RAPGEF1: variants seen among roughly 807,000 people sequenced by gnomAD.
RAPGEF1 encodes CRK SH3-binding GNRP.
A neutral mutation model predicts 143.3 loss-of-function variants in RAPGEF1; 33 were observed. That is an observed-to-expected ratio of 0.23 (90% CI 0.17 to 0.31). The LOEUF (loss-of-function observed/expected upper bound fraction) is 0.31, where lower values mean the gene tolerates loss of function less well. Among genes scored for constraint, RAPGEF1 ranks in the 10% least tolerant of loss-of-function variants. The pLI is 1.00. For synonymous variants in RAPGEF1, 629 were observed against 676.5 expected (o/e 0.93, Z 1.09); for missense variants, 1,199 against 1,645.4 (o/e 0.73, Z 4.69).
At chr9:131,645,124 T>C (rs1476031792) in intron 3 of RAPGEF1, among the ~76,000 whole-genome samples, 1 of 152,226 alleles carries the variant, frequency 6.6e-6, no homozygotes, top group East Asian at 1.9e-4. Flanking sequence ...GCTGGGCGCT[T>C]ACTTTTCCAC....
At chr9:131,645,276 A>G (rs1194308517) in intron 3 of RAPGEF1, among the ~76,000 whole-genome samples, 2 of 152,320 alleles carry the variant, frequency 1.3e-5, no homozygotes, top group Non-Finnish European at 1.5e-5. Context: ...TGACAGTAAC[A>G]CTGCCACCTT....
At chr9:131,654,491 A>G (rs1031186619) in intron 1 of RAPGEF1, among the ~76,000 whole-genome samples, 1 of 152,144 alleles carries the variant, frequency 6.6e-6, no homozygotes, top group African/African-American at 2.4e-5. Context: ...CGGGAGGATC[A>G]CTTGAGCCCA....
At chr9:131,649,369 T>C (rs1046117530) in intron 3 of RAPGEF1, among the ~76,000 whole-genome samples, 35 of 152,200 alleles carry the variant, frequency 2.3e-4, no homozygotes, top group African/African-American at 8.2e-4. Context: ...TTTATTTTTA[T>C]GTAATGAGTC....
In RAPGEF1 at chr9:131,588,563, C is replaced by T. The variant is rs544003374; in HGVS notation, c.3053+238G>A. Among the ~76,000 whole-genome samples the T allele has an allele frequency of 2.6e-5, 4 of 152,298 alleles. No homozygotes were observed. The East Asian group carries it at 7.7e-4, about 29-fold the overall frequency. On this transcript the variant is annotated intron_variant, in intron 20 of 26. Coordinates refer to ENST00000683357, the MANE Select transcript of RAPGEF1 (RefSeq NM_001377935.1). ...CAGGGTGTGTGCACTCCTGCCCTGT[C>T]CTATGAAGCCCCATGCCCTGCTGCC...
In RAPGEF1 at chr9:131,675,914, T is replaced by TC. The variant is rs1351081790; in HGVS notation, c.62-24966_62-24965insG. On this transcript the variant is annotated intron_variant, in intron 1 of 26. Coordinates refer to ENST00000683357, the MANE Select transcript of RAPGEF1 (RefSeq NM_001377935.1). This position sits in a 1 kb window ranked among gnomAD's most constrained non-coding sequence, Gnocchi z 4.6. ...GCTCAGTTTGACAAAAACTCAGTCT[T>TC]TTTTTTTTTTTTAATCTCGCCCTGT... 1.4e-5 allele frequency among the ~76,000 whole-genome samples: 2 copies of TC among 142,616 alleles called. No homozygotes were observed. Among genetic ancestry groups the TC allele is most frequent in the African/African-American group, 5.0e-5 (2 of 39,948 alleles). The allele number at this position is 142,616 out of a possible 152,430, so 93.6% of individuals were successfully genotyped here.
rs1298656071 is a variant in RAPGEF1 at position 131,650,525 on chromosome 9, G to T, written c.202-283C>A. Among the ~76,000 whole-genome samples the T allele has an allele frequency of 6.6e-6, 1 of 152,130 alleles. No individual in the cohort carries two copies. ...GGAACTGCAGGGCAGGGAGGCAGCA[G>T]CCTGGGGTGTGGACATGATGTGCTG... On this transcript the variant is annotated intron_variant, in intron 2 of 26. Transcript: ENST00000683357. This position sits in a 1 kb window ranked among gnomAD's most constrained non-coding sequence, Gnocchi z 4.7.
At chr9:131,639,628 A>G (rs1967262019) in intron 4 of RAPGEF1, among the ~76,000 whole-genome samples, 1 of 152,224 alleles carries the variant, frequency 6.6e-6, no homozygotes. Flanking sequence ...AATTGTGGAA[A>G]GGATTATTTT....
At chr9:131,598,342 T>A in intron 15 of RAPGEF1, 32 bp from the exon 16 acceptor site, 1 of 1,576,852 alleles carries the variant, frequency 6.3e-7, no homozygotes, top group Non-Finnish European at 8.7e-7. Context: ...GTTGCAAGTG[T>A]CAAACCGGCT....
At chr9:131,639,503 C>T (rs1967206379) in intron 4 of RAPGEF1, among the ~76,000 whole-genome samples, 2 of 151,570 alleles carry the variant, frequency 1.3e-5, no homozygotes, top group Admixed American at 1.3e-4. Context: ...CACTGTGATG[C>T]CAGCGCCCAC....
At chr9:131,618,960 C>T (rs1015973120) in intron 12 of RAPGEF1, 91 bp downstream of exon 12, 116 of 1,161,134 alleles carry the variant, frequency 1.0e-4, no homozygotes, top group Non-Finnish European at 1.2e-4. Flanking sequence ...GGGGCCGCGA[C>T]GGGCAGCAGA....
intron 11 of RAPGEF1, among the ~76,000 whole-genome samples, 182 bp from the exon 12 acceptor site, chr9:131,619,388 T>C (rs1199060217): frequency 1.3e-5 from 2 of 152,308 alleles, no homozygotes; most frequent in South Asian, 2.1e-4. Flanking sequence ...GCCATCTGCA[T>C]GAAAGGGCAC....
chr9:131,718,931 T>C (rs534451573), intron 1 of RAPGEF1, among the ~76,000 whole-genome samples: 53 of 152,218 alleles, frequency 3.5e-4, no homozygotes, highest in African/African-American at 1.2e-3. Context: ...CACGTACACT[T>C]GATGCTGTAA....
At chr9:131,732,065 G>A (rs1160843566) in intron 1 of RAPGEF1, among the ~76,000 whole-genome samples, 1 of 152,178 alleles carries the variant, frequency 6.6e-6, no homozygotes, top group East Asian at 1.9e-4. Context: ...GCTCACAGAG[G>A]AGGGGGAAGT....
intron 10 of RAPGEF1, among the ~76,000 whole-genome samples, chr9:131,623,098 A>G (rs1339484029): frequency 1.3e-5 from 2 of 152,006 alleles, no homozygotes; most frequent in East Asian, 1.9e-4. Flanking sequence ...TGCACAACCA[A>G]TGTCACCAGG....
intron 1 of RAPGEF1, among the ~76,000 whole-genome samples, chr9:131,706,344 C>G (rs2131166863): frequency 6.6e-6 from 1 of 152,134 alleles, no homozygotes; most frequent in East Asian, 1.9e-4. Flanking sequence ...CTCACTGCAA[C>G]CTCCGCCTCC....
chr9:131,630,459 C>T (rs138578073), intron 5 of RAPGEF1, 135 bp from the exon 6 acceptor site: 63 of 791,748 alleles, frequency 8.0e-5, no homozygotes, highest in African/African-American at 6.7e-4. Flanking sequence ...GCACCATAAA[C>T]GCAAGTATCA....
intron 1 of RAPGEF1, among the ~76,000 whole-genome samples, chr9:131,734,059 A>G (rs1357779759): frequency 6.6e-6 from 1 of 152,244 alleles, no homozygotes; most frequent in Non-Finnish European, 1.5e-5. Flanking sequence ...TATCAGACGC[A>G]GTCTAAAGAC....
intron 22 of RAPGEF1, among the ~76,000 whole-genome samples, chr9:131,586,967 A>AACACACAC (rs770094684): frequency 3.5e-5 from 1 of 28,684 alleles, no homozygotes; most frequent in Non-Finnish European, 6.3e-5. Flanking sequence ...CTCCGTCTCA[A>AACACACAC]ACACACACAC....
At chr9:131,644,401 A>C (rs1462953691) in intron 3 of RAPGEF1, among the ~76,000 whole-genome samples, 6 of 152,026 alleles carry the variant, frequency 3.9e-5, no homozygotes, top group Admixed American at 2.6e-4. Flanking sequence ...TTTAAAAAAA[A>C]AAAAAAAAAG....
Sources: allele counts gnomAD v4.1 joint callset (sites outside exome capture counted in the v4.1 genomes callset), GRCh38; gene constraint gnomAD v4.1.1; non-coding constraint Gnocchi (gnomAD v3.1); transcripts MANE v1.5; gene names NCBI Gene and HGNC (gene_info 2026-07-23, HGNC 2026-07-21).